The following SERTAD4 variants were observed in gnomAD, a reference collection of about 807,000 sequenced individuals.
SERTAD4 encodes the protein SERTA domain-containing protein 4.
Under a neutral mutation model 32.9 loss-of-function variants are expected in SERTAD4, and 18 were observed. The ratio of observed to expected loss-of-function variants is 0.55; its 90% CI spans 0.38 to 0.81. The LOEUF is 0.81. SERTAD4 is among the 30% of genes least tolerant of loss of function. SERTAD4 has a pLI of 0.00. For synonymous variants in SERTAD4, 150 were observed against 156.4 expected (o/e 0.96, Z 0.30); for missense variants, 383 against 426.0 (o/e 0.90, Z 0.89).
chr1:210,234,768 C>T (rs1571544401), intron 1 of SERTAD4, among the ~76,000 whole-genome samples: 1 of 152,160 alleles, frequency 6.6e-6, no homozygotes. Context: ...ACCTGGAGCC[C>T]CTTGTTAGAT....
chr1:210,233,838 A>G, intron 1 of SERTAD4: 2 of 468,992 alleles, frequency 4.3e-6, no homozygotes, highest in South Asian at 3.1e-5. Context: ...TTTGGCCGGC[A>G]AGGGAGGGAG....
At chr1:210,241,521 T>C (rs1427133948) in intron 3 of SERTAD4, 37 bp from the exon 4 acceptor site, 2 of 1,463,472 alleles carry the variant, frequency 1.4e-6, no homozygotes, top group African/African-American at 3.9e-5. Context: ...TTCCTTTTTC[T>C]GTTTGTTTTT....
Position 210,237,901 on chromosome 1 carries a change from G to A in SERTAD4, c.-17-43G>A, listed in dbSNP as rs544235085. On this transcript the variant is annotated intron_variant, in intron 1 of 3. Coordinates refer to ENST00000367012, the MANE Select transcript of SERTAD4 (RefSeq NM_019605.5). ...CCGTCCCTTGGCTTGCTCTTGATTA[G>A]GGCTGTTTTCTTCATTCTTGTTTTT... is the stretch of plus-strand genomic sequence containing the variant. 3.9e-6 allele frequency: 6 copies of A among 1,523,824 alleles called. No individual in the cohort carries two copies. In the African/African-American group the frequency reaches 8.4e-5, roughly 21 times the overall value. 94.4% of individuals were successfully genotyped at this position (1,523,824 alleles called of 1,614,324 possible).
intron 1 of SERTAD4, chr1:210,233,890 G>T (rs1396777808): frequency 1.1e-5 from 5 of 452,696 alleles, no homozygotes; most frequent in Admixed American, 1.0e-4. Context: ...GAGCGCGGGG[G>T]CCCGGGCCAG....
At chr1:210,234,759 C>G (rs1405301961) in intron 1 of SERTAD4, among the ~76,000 whole-genome samples, 1 of 152,176 alleles carries the variant, frequency 6.6e-6, no homozygotes, top group African/African-American at 2.4e-5. Context: ...CAAAGAATGA[C>G]CTGGAGCCCC....
In SERTAD4 at chr1:210,245,962, T is replaced by A. The variant is rs2084045304; in HGVS notation, c.*3625T>A. 1 of 982,114 alleles carries A rather than the reference T, an allele frequency of 1.0e-6. No individual in the cohort carries two copies. Among genetic ancestry groups the A allele is most frequent in the Admixed American group, 6.1e-5 (1 of 16,264 alleles). 60.8% of individuals were successfully genotyped at this position (982,114 alleles called of 1,614,324 possible). The stretch of plus-strand genomic sequence containing the variant: ...AGACTTTTTTGGAAATAATTAGTTG[T>A]GAAATTCCATTTTTCTGACAGCCCC... On this transcript the variant is annotated 3_prime_UTR_variant, in exon 4 of 4. Transcript: ENST00000367012.
rs955573535 is a variant in SERTAD4 at position 210,243,986 on chromosome 1, C to T, written c.*1649C>T. On this transcript the variant is annotated 3_prime_UTR_variant, in exon 4 of 4. Transcript: ENST00000367012. ...CTAGTAATGTTTTGTCCTTTATTTT[C>T]AATATTTGATAAACATTTGATGTTC... 1.4e-4 allele frequency: 22 copies of T among 152,000 alleles called. No individual in the cohort carries two copies. Among genetic ancestry groups the T allele is most frequent in the African/African-American group, 5.1e-4 (21 of 41,372 alleles). The allele number at this position is 152,000 out of a possible 1,614,324, so 9.4% of individuals were successfully genotyped here. A position where few individuals can be genotyped will look rare whatever the true frequency, so the allele number is the denominator to read the frequency against.
intron 3 of SERTAD4, among the ~76,000 whole-genome samples, chr1:210,241,019 T>C (rs1320344714): frequency 6.6e-6 from 1 of 152,182 alleles, no homozygotes; most frequent in Non-Finnish European, 1.5e-5. Flanking sequence ...TGTATTTGTA[T>C]AGACACACAT....
intron 1 of SERTAD4, among the ~76,000 whole-genome samples, chr1:210,234,350 T>C (rs1032252141): frequency 6.6e-6 from 1 of 152,132 alleles, no homozygotes; most frequent in Non-Finnish European, 1.5e-5. Context: ...CCCTTCGTGC[T>C]CTTTAGGCCC....
chr1:210,242,105 A>C lies in SERTAD4; in HGVS notation c.839A>C (p.Lys280Thr). 3 of 1,614,220 alleles carry C rather than the reference A, an allele frequency of 1.9e-6. No individual in the cohort carries two copies. Among genetic ancestry groups the C allele is most frequent in the Non-Finnish European group, 2.5e-6 (3 of 1,180,044 alleles). Residue 280 changes from lysine (K) to threonine (T), a missense_variant, in exon 4 of 4, where the codon AAA becomes ACA. By Grantham distance (78) the Lys-to-Thr change is moderately conservative. Around this residue, in one of 3 missense-constraint regions of SERTAD4, gnomAD observed 180 missense variants for 190.6 expected, o/e 0.94. Coordinates refer to ENST00000367012, the MANE Select transcript of SERTAD4 (RefSeq NM_019605.5). This position sits in a 1 kb window ranked among gnomAD's most constrained non-coding sequence, Gnocchi z 4.0. Reference sequence around the variant, plus strand: ...TCACTTGGTGTTCAGGAAAAGGCCAAATTAAATGATGAGAAAGCAAATGAT... The same window carrying C: ...TCACTTGGTGTTCAGGAAAAGGCCACATTAAATGATGAGAAAGCAAATGAT... ...VRSLGVQEKA[K>T]LNDEKANDDT...
intron 2 of SERTAD4, 31 bp downstream of exon 2, chr1:210,238,166 C>G (rs769048351): frequency 5.8e-6 from 8 of 1,377,546 alleles, no homozygotes; most frequent in South Asian, 2.7e-5. Context: ...CCATCCCCCC[C>G]ACCCCTCGCT....
chr1:210,238,665 T>C (rs763588931), intron 2 of SERTAD4, among the ~76,000 whole-genome samples: 3 of 152,210 alleles, frequency 2.0e-5, no homozygotes, highest in Non-Finnish European at 4.4e-5. Flanking sequence ...AAGGTCTGAC[T>C]TTTCAAACAC....
intron 2 of SERTAD4, 53 bp downstream of exon 2, chr1:210,238,188 C>A: frequency 9.1e-7 from 1 of 1,096,856 alleles, no homozygotes; most frequent in Non-Finnish European, 1.3e-6. Context: ...CCCTTTGCAG[C>A]CAGCCTGGTG....
downstream of SERTAD4, chr1:210,246,593 C>G (rs1443602647): frequency 3.0e-6 from 3 of 985,352 alleles, no homozygotes; most frequent in Non-Finnish European, 3.6e-6. Flanking sequence ...GGCTGAAGAA[C>G]GATGACTAAA....
chr1:210,238,078 C>T lies in SERTAD4; in HGVS notation c.118C>T (p.Pro40Ser), dbSNP rs750801701. The change falls in exon 2 of 4, where the codon CCA becomes TCA. Residue 40 changes from proline (P) to serine (S), a missense_variant. This residue lies in a region of SERTAD4 where 96 missense variants were observed against 76.6 expected (regional missense o/e 1.25). Coordinates refer to ENST00000367012, the MANE Select transcript of SERTAD4 (RefSeq NM_019605.5). ...TGACAGCTACGGAGGCCCAAGCCCC[C>T]CAGGGCCAGCACAAGCTCCTTTGCA... ...EADSYGGPSP[P>S]GPAQAPLQGD... 3.1e-6 allele frequency: 5 copies of T among 1,613,844 alleles called. No individual in the cohort carries two copies. The highest frequency in any genetic ancestry group is 1.3e-5 in the African/African-American group (1 of 75,050).
At position 210,245,717 on chromosome 1, in the gene SERTAD4, C is replaced by A; in HGVS notation, c.*3380C>A. 1.4e-6 allele frequency: 1 copy of A among 691,190 alleles called. No individual in the cohort carries two copies. The highest frequency in any genetic ancestry group is 1.8e-6 in the Non-Finnish European group (1 of 561,342). The allele number at this position is 691,190 out of a possible 1,614,324, so 42.8% of individuals were successfully genotyped here. On this transcript the variant is annotated 3_prime_UTR_variant, in exon 4 of 4. Transcript: ENST00000367012. Reference sequence around the variant, plus strand: ...ATTTATTTTTAGAGCTCATAGTTAACTCCATCAAGACATGGCTACCCACCC... The same window carrying A: ...ATTTATTTTTAGAGCTCATAGTTAAATCCATCAAGACATGGCTACCCACCC...
chr1:210,233,263 C>G (rs1000614631), intron 1 of SERTAD4, among the ~76,000 whole-genome samples: 3 of 152,086 alleles, frequency 2.0e-5, no homozygotes, highest in Admixed American at 6.5e-5. Flanking sequence ...GCGTGCGCCG[C>G]GGCGCCTTCA....
At chr1:210,241,473 T>C in intron 3 of SERTAD4, 85 bp from the exon 4 acceptor site, 1 of 1,329,710 alleles carries the variant, frequency 7.5e-7, no homozygotes, top group Non-Finnish European at 1.0e-6. Context: ...TATGCTATGA[T>C]GATGTTTTCA....
chr1:210,234,261 C>A (rs115634643), intron 1 of SERTAD4, among the ~76,000 whole-genome samples: 5,981 of 151,854 alleles, frequency 0.039, 376 homozygotes, highest in African/African-American at 0.13. Flanking sequence ...AGAGGTCGGC[C>A]CTCCAAACCT....
Sources: allele counts gnomAD v4.1 joint callset (sites outside exome capture counted in the v4.1 genomes callset), GRCh38; gene constraint gnomAD v4.1.1; regional missense constraint gnomAD v4.1.1; non-coding constraint Gnocchi (gnomAD v3.1); transcripts MANE v1.5; gene names NCBI Gene and HGNC (gene_info 2026-07-23, HGNC 2026-07-21).